The following HPCAL1 variants were observed in gnomAD, a reference collection of about 807,000 sequenced individuals.
HPCAL1 encodes the protein hippocalcin-like protein 1.
A neutral mutation model predicts 17.1 loss-of-function variants in HPCAL1; 8 were observed. That is an observed-to-expected ratio of 0.47 (90% CI 0.27 to 0.84). The LOEUF (loss-of-function observed/expected upper bound fraction) is 0.84. Ranked by LOEUF, HPCAL1 falls within the 40% of genes least tolerant of loss-of-function variation. The probability of loss-of-function intolerance (pLI) is 0.13; values close to 1 mark genes in which losing one functional copy is unlikely to be tolerated. For missense variants in HPCAL1, 165 were observed against 271.1 expected (o/e 0.61, Z 2.75); for synonymous variants, 112 against 111.4 (o/e 1.01, Z -0.03).
chr2:10,377,250 C>G lies in HPCAL1; in HGVS notation c.-110-19585C>G, dbSNP rs1206168934. Among the ~76,000 whole-genome samples the G allele has an allele frequency of 2.6e-5, 4 of 152,204 alleles. No individual in the cohort carries two copies. The highest frequency in any genetic ancestry group is 5.9e-5 in the Non-Finnish European group (4 of 68,038). On this transcript the variant is annotated intron_variant, in intron 1 of 4. Coordinates refer to ENST00000307845, the MANE Select transcript of HPCAL1 (RefSeq NM_002149.4). This position sits in a 1 kb window ranked among gnomAD's most constrained non-coding sequence, Gnocchi z 5.9. The stretch of plus-strand genomic sequence containing the variant: ...ACGCAGGCCGCGCCGCCCCGAATGG[C>G]AGGTGGAAGGCGGCTGAGTGGAGCC...
At chr2:10,411,012 A>G (rs2125614430) in intron 2 of HPCAL1, among the ~76,000 whole-genome samples, 1 of 150,920 alleles carries the variant, frequency 6.6e-6, no homozygotes, top group East Asian at 2.0e-4. Flanking sequence ...CCTTCAGATT[A>G]CATATTTCAT....
chr2:10,424,221 C>T (rs1233429749), intron 4 of HPCAL1: 5 of 322,668 alleles, frequency 1.5e-5, no homozygotes, highest in East Asian at 8.1e-5. Context: ...CAGCGGGAGA[C>T]GGGATGTGGG....
intron 1 of HPCAL1, among the ~76,000 whole-genome samples, chr2:10,319,459 C>T (rs1663530484): frequency 6.6e-6 from 1 of 152,006 alleles, no homozygotes; most frequent in Non-Finnish European, 1.5e-5. Flanking sequence ...AATGCTTGTT[C>T]AAGCACAGAC....
intron 1 of HPCAL1, among the ~76,000 whole-genome samples, chr2:10,308,897 A>G (rs1662786079): frequency 6.6e-6 from 1 of 152,178 alleles, no homozygotes; most frequent in African/African-American, 2.4e-5. Flanking sequence ...CAAACAAAAC[A>G]AAACAAAACA....
intron 1 of HPCAL1, among the ~76,000 whole-genome samples, chr2:10,383,142 G>GCAGGAGGACTGCTTGAGCC (rs1160067222): frequency 1.3e-5 from 2 of 152,340 alleles, no homozygotes; most frequent in African/African-American, 4.8e-5. Context: ...GGAAGCTGAG[G>GCAGGAGGACTGCTTGAGCC]CAGGAGGACT....
intron 1 of HPCAL1, among the ~76,000 whole-genome samples, chr2:10,346,018 T>C (rs1665415995): frequency 6.6e-6 from 1 of 152,150 alleles, no homozygotes; most frequent in Non-Finnish European, 1.5e-5. Flanking sequence ...TGTGGGTGTG[T>C]CTGAGTGTGT....
Position 10,419,121 on chromosome 2 carries a change from G to A in HPCAL1, c.-24-613G>A, listed in dbSNP as rs547580237. Among the ~76,000 whole-genome samples, 210 of 152,336 alleles carry A rather than the reference G, an allele frequency of 1.4e-3. No homozygotes were observed. The highest frequency in any genetic ancestry group is 2.4e-3 in the Non-Finnish European group (163 of 68,038). On this transcript the variant is annotated intron_variant, in intron 2 of 4. Coordinates refer to ENST00000307845, the MANE Select transcript of HPCAL1 (RefSeq NM_002149.4). This position sits in a 1 kb window ranked among gnomAD's most constrained non-coding sequence, Gnocchi z 5.0. ...AGCTACTCAGGAGGCTGAGGCAGGA[G>A]AATTGCTTGAACCTGGGAGGCGGAG...
chr2:10,334,912 A>G (rs1664625514), intron 1 of HPCAL1, among the ~76,000 whole-genome samples: 1 of 152,210 alleles, frequency 6.6e-6, no homozygotes, highest in South Asian at 2.1e-4. Context: ...TCCTGAGCGC[A>G]AGTGAGCCAC....
At chr2:10,338,055 A>G (rs1664827187) in intron 1 of HPCAL1, among the ~76,000 whole-genome samples, 1 of 152,150 alleles carries the variant, frequency 6.6e-6, no homozygotes, top group African/African-American at 2.4e-5. Flanking sequence ...TATGAAGGAG[A>G]GTGACTTTTT....
At chr2:10,392,246 G>T (rs529881890) in intron 1 of HPCAL1, among the ~76,000 whole-genome samples, 2 of 151,564 alleles carry the variant, frequency 1.3e-5, no homozygotes, top group Non-Finnish European at 2.9e-5. Flanking sequence ...TCACTATGTT[G>T]CCCAGGCTGG....
In HPCAL1 at chr2:10,377,274, C is replaced by T. The variant is rs557857515; in HGVS notation, c.-110-19561C>T. Among the ~76,000 whole-genome samples the T allele has an allele frequency of 6.6e-6, 1 of 152,194 alleles. No individual in the cohort carries two copies. Among genetic ancestry groups the T allele is most frequent in the African/African-American group, 2.4e-5 (1 of 41,448 alleles). ...GCAGGTGGAAGGCGGCTGAGTGGAG[C>T]CGCAGCAAATGCAACCCTGCCCCCG... On this transcript the variant is annotated intron_variant, in intron 1 of 4. Coordinates refer to ENST00000307845, the MANE Select transcript of HPCAL1 (RefSeq NM_002149.4). This position sits in a 1 kb window ranked among gnomAD's most constrained non-coding sequence, Gnocchi z 5.9.
chr2:10,332,853 A>G (rs892617863), intron 1 of HPCAL1, among the ~76,000 whole-genome samples: 1 of 152,094 alleles, frequency 6.6e-6, no homozygotes, highest in Admixed American at 6.5e-5. Flanking sequence ...GAAGGGCGTG[A>G]GAGGCTCACT....
At chr2:10,382,956 G>A (rs557921080) in intron 1 of HPCAL1, among the ~76,000 whole-genome samples, 3 of 152,274 alleles carry the variant, frequency 2.0e-5, no homozygotes, top group South Asian at 4.1e-4. Context: ...GTGGCGGCTC[G>A]CTTGTGCACC....
chr2:10,396,239 G>T (rs564660838), intron 1 of HPCAL1, among the ~76,000 whole-genome samples: 1 of 152,236 alleles, frequency 6.6e-6, no homozygotes, highest in Non-Finnish European at 1.5e-5. Flanking sequence ...GCTGGGCCCA[G>T]GAGGCATGCT....
chr2:10,415,980 G>A (rs1670642502), intron 2 of HPCAL1, among the ~76,000 whole-genome samples: 1 of 152,192 alleles, frequency 6.6e-6, no homozygotes, highest in South Asian at 2.1e-4. Context: ...GCCACCACGG[G>A]TGCTGCAGGG....
chr2:10,325,488 G>A (rs1463021880), intron 1 of HPCAL1, among the ~76,000 whole-genome samples: 1 of 152,170 alleles, frequency 6.6e-6, no homozygotes, highest in Non-Finnish European at 1.5e-5. Flanking sequence ...GCCAGGCCAG[G>A]GTGGCACTGT....
rs1407331224 is a variant in HPCAL1 at position 10,323,580 on chromosome 2, C to T, written c.-111+20403C>T. ...CCTGTACCCTTTACCCTGGAGCTGGCCCCATCTCTCACAGCCCAGTGGTGT... is the reference window on the plus strand; with the variant it reads ...CCTGTACCCTTTACCCTGGAGCTGGTCCCATCTCTCACAGCCCAGTGGTGT... On this transcript the variant is annotated intron_variant, in intron 1 of 4. Coordinates refer to ENST00000307845, the MANE Select transcript of HPCAL1 (RefSeq NM_002149.4). The surrounding 1 kb of genome is among the most constrained non-coding windows in gnomAD (Gnocchi z 4.6). 2.0e-5 allele frequency among the ~76,000 whole-genome samples: 3 copies of T among 152,192 alleles called. No individual in the cohort carries two copies. Among genetic ancestry groups the T allele is most frequent in the Non-Finnish European group, 4.4e-5 (3 of 68,040 alleles).
At chr2:10,370,138 G>C (rs566944128) in intron 1 of HPCAL1, among the ~76,000 whole-genome samples, 2 of 152,296 alleles carry the variant, frequency 1.3e-5, no homozygotes, top group South Asian at 4.1e-4. Flanking sequence ...GCTAATCTGC[G>C]CACCCTCTTT....
At chr2:10,307,773 G>A (rs1199314422) in intron 1 of HPCAL1, among the ~76,000 whole-genome samples, 5 of 152,184 alleles carry the variant, frequency 3.3e-5, no homozygotes, top group Non-Finnish European at 5.9e-5. Flanking sequence ...CCGGCACAGC[G>A]GAGCCTTATC....
Sources: allele counts gnomAD v4.1 joint callset (sites outside exome capture counted in the v4.1 genomes callset), GRCh38; gene constraint gnomAD v4.1.1; non-coding constraint Gnocchi (gnomAD v3.1); transcripts MANE v1.5; gene names NCBI Gene and HGNC (gene_info 2026-07-23, HGNC 2026-07-21).